Variants in CHLSN observed in about 807,000 individuals in gnomAD.
CHLSN encodes cholesin.
the CHLSN span, among the ~76,000 whole-genome samples, chr7:1,070,878 G>GCACATGCACACACGTGCACA: frequency 7.1e-6 from 1 of 140,854 alleles, no homozygotes; most frequent in Non-Finnish European, 1.5e-5. Context: ...GCGCACACGT[G>GCACATGCACACACGTGCACA]CACATGCACA....
At chr7:989,982 T>G in the CHLSN span, among the ~76,000 whole-genome samples, 1 of 100,294 alleles carries the variant, frequency 1.0e-5, no homozygotes, top group African/African-American at 4.3e-5. Flanking sequence ...GCGCGTGTGC[T>G]GGGGGCGGTG....
chr7:1,116,869 G>A, the CHLSN span, among the ~76,000 whole-genome samples: 5 of 47,302 alleles, frequency 1.1e-4, no homozygotes, highest in East Asian at 8.3e-4. Context: ...GCAGCTCTAC[G>A]GACCGGCTTC....
the CHLSN span, among the ~76,000 whole-genome samples, chr7:1,070,902 A>G: frequency 1.4e-5 from 2 of 144,196 alleles, no homozygotes; most frequent in African/African-American, 5.5e-5. Context: ...GTGCACACAC[A>G]TGCACGCACA....
chr7:1,019,555 T>C, the CHLSN span, among the ~76,000 whole-genome samples: 1 of 152,182 alleles, frequency 6.6e-6, no homozygotes, highest in Non-Finnish European at 1.5e-5. Context: ...AGTGAAGCCC[T>C]GAGTCCAAGA....
the CHLSN span, among the ~76,000 whole-genome samples, chr7:1,034,340 T>TCTTGCAA: frequency 2.0e-5 from 3 of 150,856 alleles, no homozygotes; most frequent in African/African-American, 7.3e-5. Flanking sequence ...AGACATAAAT[T>TCTTGCAA]CTCCCAAAAT....
At chr7:1,103,436 C>G in the CHLSN span, among the ~76,000 whole-genome samples, 1 of 152,194 alleles carries the variant, frequency 6.6e-6, no homozygotes, top group Non-Finnish European at 1.5e-5. Flanking sequence ...TTACACCCCA[C>G]AAAACACACA....
chr7:1,085,432 C>A, the CHLSN span, among the ~76,000 whole-genome samples: 13 of 152,250 alleles, frequency 8.5e-5, no homozygotes, highest in African/African-American at 3.1e-4. Flanking sequence ...TGTGAGGCCG[C>A]GGTGACACCA....
chr7:1,081,680 C>T, the CHLSN span, among the ~76,000 whole-genome samples: 1 of 141,308 alleles, frequency 7.1e-6, no homozygotes, highest in African/African-American at 2.5e-5. Flanking sequence ...ACCTGGAAGC[C>T]CCGACCCAGA....
the CHLSN span, among the ~76,000 whole-genome samples, chr7:1,122,788 G>A: frequency 7.5e-4 from 114 of 152,308 alleles, no homozygotes; most frequent in African/African-American, 2.4e-3. Flanking sequence ...GAAACAGGAA[G>A]CAGACAGGGC....
At chr7:1,085,067 G>T in the CHLSN span, among the ~76,000 whole-genome samples, 1 of 152,242 alleles carries the variant, frequency 6.6e-6, no homozygotes, top group Non-Finnish European at 1.5e-5. Flanking sequence ...AGGGTCAAAG[G>T]CGAGGGCCAA....
At chr7:1,016,485 A>ACACAGCAGCGCACAGCAG in the CHLSN span, among the ~76,000 whole-genome samples, 1 of 134,664 alleles carries the variant, frequency 7.4e-6, no homozygotes, top group Non-Finnish European at 1.6e-5. Context: ...GCACAGCAGC[A>ACACAGCAGCGCACAGCAG]CACAGCAGCG....
At chr7:1,066,601 C>G in the CHLSN span, among the ~76,000 whole-genome samples, 1 of 152,040 alleles carries the variant, frequency 6.6e-6, no homozygotes, top group African/African-American at 2.4e-5. Context: ...TGCCCTCTAC[C>G]TACCTGCCCT....
chr7:1,044,289 G>A, the CHLSN span, among the ~76,000 whole-genome samples: 1 of 152,262 alleles, frequency 6.6e-6, no homozygotes, highest in Non-Finnish European at 1.5e-5. Flanking sequence ...TGGGCACTAA[G>A]AGAATTCTCA....
At chr7:993,912 G>C in the CHLSN span, among the ~76,000 whole-genome samples, 1 of 146,022 alleles carries the variant, frequency 6.8e-6, no homozygotes, top group South Asian at 2.4e-4. Context: ...CATCAATCCT[G>C]CAAGAAACTG....
chr7:1,062,775 T>C, the CHLSN span, among the ~76,000 whole-genome samples: 1 of 152,196 alleles, frequency 6.6e-6, no homozygotes, highest in South Asian at 2.1e-4. Flanking sequence ...AAGAGCTGTA[T>C]GGCGGTGCGC....
At chr7:1,060,005 G>A in the CHLSN span, among the ~76,000 whole-genome samples, 2 of 127,056 alleles carry the variant, frequency 1.6e-5, no homozygotes, top group South Asian at 2.6e-4. Context: ...CGGGTCTGTA[G>A]TGGGGCGGGT....
chr7:1,087,655 TAA>T, the CHLSN span, among the ~76,000 whole-genome samples: 2 of 152,234 alleles, frequency 1.3e-5, no homozygotes, highest in African/African-American at 4.8e-5. Flanking sequence ...CTCAGATTCC[TAA>T]GTTACTTGTC....
the CHLSN span, chr7:997,443 G>T: frequency 3.6e-6 from 2 of 549,478 alleles, no homozygotes; most frequent in Non-Finnish European, 6.2e-6. Flanking sequence ...TCTGGAGGAG[G>T]GAAGGGGCCC....
the CHLSN span, among the ~76,000 whole-genome samples, chr7:1,004,538 C>T: frequency 4.6e-5 from 7 of 152,206 alleles, no homozygotes; most frequent in East Asian, 1.9e-4. Flanking sequence ...CGAGCCCCCA[C>T]CAGGCAGACT....
Sources: allele counts gnomAD v4.1 joint callset (sites outside exome capture counted in the v4.1 genomes callset), GRCh38; gene constraint gnomAD v4.1.1; transcripts MANE v1.5; gene names NCBI Gene and HGNC (gene_info 2026-07-23, HGNC 2026-07-21).